Variants in GPHN observed in about 807,000 individuals in gnomAD.
GPHN encodes gephyrin.
A neutral mutation model predicts 95.5 loss-of-function variants in GPHN; 17 were observed. The ratio of observed to expected loss-of-function variants is 0.18; its 90% CI spans 0.12 to 0.27. GPHN has a LOEUF of 0.27. GPHN is among the 10% of genes least tolerant of loss of function. The pLI is 1.00. For missense variants in GPHN, 660 were observed against 978.1 expected (o/e 0.67, Z 4.34); for synonymous variants, 320 against 322.5 (o/e 0.99, Z 0.08).
At chr14:67,527,379 A>T in the GPHN span, among the ~76,000 whole-genome samples, 4 of 152,334 alleles carry the variant, frequency 2.6e-5, no homozygotes, top group African/African-American at 9.6e-5. Flanking sequence ...CGGAGGTTGC[A>T]GTGAGCCGAT....
chr14:67,508,177 C>G, the GPHN span, among the ~76,000 whole-genome samples: 1 of 151,706 alleles, frequency 6.6e-6, no homozygotes, highest in Non-Finnish European at 1.5e-5. Context: ...AGTCCCCCTT[C>G]TTGAGAAGGG....
At chr14:66,723,293 A>G (rs1253030934) in intron 2 of GPHN, among the ~76,000 whole-genome samples, 1 of 151,286 alleles carries the variant, frequency 6.6e-6, no homozygotes, top group African/African-American at 2.4e-5. Flanking sequence ...TAACTTTATA[A>G]ATATAAACTT....
chr14:66,788,868 A>C (rs2059876988), intron 3 of GPHN, among the ~76,000 whole-genome samples: 1 of 152,010 alleles, frequency 6.6e-6, no homozygotes, highest in South Asian at 2.1e-4. Context: ...ATGTTTTAGT[A>C]AAGATGGGGT....
chr14:67,386,802 T>G, the GPHN span, among the ~76,000 whole-genome samples: 1 of 152,250 alleles, frequency 6.6e-6, no homozygotes, highest in Non-Finnish European at 1.5e-5. Flanking sequence ...GCTTGTTTTC[T>G]AAAGCAAAAC....
At chr14:67,089,407 G>A (rs1214091610) in intron 12 of GPHN, among the ~76,000 whole-genome samples, 2 of 151,732 alleles carry the variant, frequency 1.3e-5, no homozygotes, top group Admixed American at 6.6e-5. Flanking sequence ...TTAGATACAG[G>A]CATACAATGC....
chr14:67,428,465 A>G, the GPHN span, among the ~76,000 whole-genome samples: 49 of 152,392 alleles, frequency 3.2e-4, 3 homozygotes, highest in South Asian at 9.7e-3. Flanking sequence ...ACTACACAGT[A>G]GGGGAGAACT....
chr14:67,175,647 G>A (rs1391618529), intron 21 of GPHN, among the ~76,000 whole-genome samples: 1 of 152,116 alleles, frequency 6.6e-6, no homozygotes, highest in Non-Finnish European at 1.5e-5. Context: ...GGATAGCATT[G>A]AGTCTATAAA....
chr14:66,937,695 C>T (rs931949097), intron 8 of GPHN, among the ~76,000 whole-genome samples: 1 of 152,098 alleles, frequency 6.6e-6, no homozygotes, highest in African/African-American at 2.4e-5. Context: ...ATTAATTAAC[C>T]AGATATCCTC....
the GPHN span, among the ~76,000 whole-genome samples, chr14:67,421,140 A>G: frequency 6.6e-6 from 1 of 152,184 alleles, no homozygotes; most frequent in African/African-American, 2.4e-5. Context: ...TTGGTTCAAA[A>G]TTAGTATGAA....
intron 1 of GPHN, among the ~76,000 whole-genome samples, chr14:66,516,564 A>C (rs139984321): frequency 9.8e-5 from 15 of 152,316 alleles, no homozygotes; most frequent in African/African-American, 3.6e-4. Context: ...GGGCATCAGA[A>C]AATGAGTGGA....
chr14:66,674,905 A>T (rs1201823133), intron 1 of GPHN, among the ~76,000 whole-genome samples: 1 of 152,214 alleles, frequency 6.6e-6, no homozygotes, highest in Non-Finnish European at 1.5e-5. Flanking sequence ...ACTGTTTTTC[A>T]TAATGGCCGT....
At chr14:67,512,126 T>G in the GPHN span, among the ~76,000 whole-genome samples, 2 of 152,236 alleles carry the variant, frequency 1.3e-5, no homozygotes, top group Non-Finnish European at 1.5e-5. Context: ...TACTTGATTT[T>G]AAATGCTCTT....
intron 5 of GPHN, among the ~76,000 whole-genome samples, chr14:66,894,436 C>G (rs949490687): frequency 2.0e-5 from 3 of 152,188 alleles, no homozygotes; most frequent in African/African-American, 4.8e-5. Flanking sequence ...CAATACCATT[C>G]AGGACATAGG....
intron 21 of GPHN, among the ~76,000 whole-genome samples, chr14:67,175,099 A>G (rs1476513990): frequency 6.6e-6 from 1 of 152,058 alleles, no homozygotes; most frequent in Non-Finnish European, 1.5e-5. Context: ...CCATTTGTCA[A>G]TTTTGACTTT....
chr14:67,520,936 A>G, the GPHN span, among the ~76,000 whole-genome samples: 54,418 of 152,138 alleles, frequency 0.36, 10,640 homozygotes, highest in East Asian at 0.45. Flanking sequence ...CCCACAAGCA[A>G]TGAATGGGAG....
the GPHN span, among the ~76,000 whole-genome samples, chr14:67,195,631 A>G: frequency 6.6e-6 from 1 of 152,124 alleles, no homozygotes; most frequent in Non-Finnish European, 1.5e-5. Context: ...AGATACACCA[A>G]TTATAAGATA....
At chr14:67,243,934 G>C in the GPHN span, among the ~76,000 whole-genome samples, 4 of 152,216 alleles carry the variant, frequency 2.6e-5, no homozygotes, top group Admixed American at 2.6e-4. Flanking sequence ...TCCGTAGTCT[G>C]ACTGCTAGTT....
chr14:67,193,562 TATCTATATAG>T, the GPHN span, among the ~76,000 whole-genome samples: 1 of 144,784 alleles, frequency 6.9e-6, no homozygotes, highest in Non-Finnish European at 1.5e-5. Flanking sequence ...TATAGATCTA[TATCTATATAG>T]ATCTATATAT....
chr14:67,461,497 CT>C, the GPHN span, among the ~76,000 whole-genome samples: 1 of 152,178 alleles, frequency 6.6e-6, no homozygotes, highest in South Asian at 2.1e-4. Context: ...CTGGAGCAAT[CT>C]AGCCCCTTCC....
Sources: gnomAD v4.1 joint callset for allele counts (sites outside exome capture counted in the v4.1 genomes callset) on GRCh38, gnomAD v4.1.1 for gene constraint, MANE v1.5 for transcripts, NCBI Gene and HGNC (gene_info 2026-07-23, HGNC 2026-07-21) for gene names.